PARD3: variants seen among roughly 807,000 people sequenced by gnomAD.
PARD3 encodes the protein partitioning defective 3 homolog.
In PARD3, 75 loss-of-function variants were observed where a neutral mutation model predicts 155.4. That is an observed-to-expected ratio of 0.48 (90% CI 0.40 to 0.58). The LOEUF is 0.58. Ranked by LOEUF, PARD3 falls within the 20% of genes least tolerant of loss-of-function variation. The probability of loss-of-function intolerance (pLI) is 0.00; values close to 1 mark genes in which losing one functional copy is unlikely to be tolerated. For synonymous variants in PARD3, 576 were observed against 610.5 expected (o/e 0.94, Z 0.83); for missense variants, 1,642 against 1,721.7 (o/e 0.95, Z 0.82).
At chr10:34,808,464 T>C (rs1843676207) in intron 1 of PARD3, among the ~76,000 whole-genome samples, 1 of 152,184 alleles carries the variant, frequency 6.6e-6, no homozygotes, top group Non-Finnish European at 1.5e-5. Context: ...GGTAAAACTG[T>C]ATACATTTAC....
chr10:34,798,197 C>A (rs1842488611), intron 1 of PARD3, among the ~76,000 whole-genome samples: 1 of 151,922 alleles, frequency 6.6e-6, no homozygotes. Flanking sequence ...GGCATGGTAG[C>A]ATGTACCTGT....
chr10:34,635,390 G>A (rs1444009062), intron 2 of PARD3, among the ~76,000 whole-genome samples: 2 of 152,238 alleles, frequency 1.3e-5, no homozygotes, highest in Non-Finnish European at 2.9e-5. Flanking sequence ...CAGAGAGTGT[G>A]CATTTGGGGC....
chr10:34,169,855 A>AG (rs1362182627), intron 22 of PARD3, among the ~76,000 whole-genome samples: 2 of 152,140 alleles, frequency 1.3e-5, no homozygotes, highest in African/African-American at 4.8e-5. Context: ...TGATGGCCAC[A>AG]GGGGGCCACC....
chr10:34,119,808 T>C (rs1016970087), intron 23 of PARD3, 68 bp from the exon 24 acceptor site: 10 of 1,341,330 alleles, frequency 7.5e-6, no homozygotes, highest in Non-Finnish European at 2.0e-6. Context: ...ACTGGTTGAC[T>C]CCATTTCGAT....
chr10:34,701,641 T>C (rs1049138810), intron 1 of PARD3, among the ~76,000 whole-genome samples: 10 of 152,004 alleles, frequency 6.6e-5, no homozygotes, highest in Non-Finnish European at 8.8e-5. Flanking sequence ...ATGCCTATAC[T>C]CCCAGTGCTT....
intron 22 of PARD3, among the ~76,000 whole-genome samples, chr10:34,211,813 G>A (rs976654684): frequency 3.9e-5 from 6 of 151,906 alleles, no homozygotes; most frequent in African/African-American, 1.5e-4. Context: ...AAAAGAAAAA[G>A]GAGTAGAGAT....
At chr10:34,598,143 A>T (rs1198884445) in intron 2 of PARD3, among the ~76,000 whole-genome samples, 1 of 152,216 alleles carries the variant, frequency 6.6e-6, no homozygotes, top group Non-Finnish European at 1.5e-5. Flanking sequence ...GTAGTTAATT[A>T]TGCACATTCA....
At chr10:34,538,777 C>T (rs2083397178) in intron 2 of PARD3, among the ~76,000 whole-genome samples, 1 of 152,190 alleles carries the variant, frequency 6.6e-6, no homozygotes, top group Non-Finnish European at 1.5e-5. Flanking sequence ...AGGGGTGAGG[C>T]GCCGCTCCGG....
intron 2 of PARD3, among the ~76,000 whole-genome samples, chr10:34,620,427 A>G (rs1209531440): frequency 6.6e-6 from 1 of 152,238 alleles, no homozygotes; most frequent in Admixed American, 6.5e-5. Context: ...TGCAAACAAA[A>G]CATTTCACAA....
Position 34,317,161 on chromosome 10 carries a change from T to C in PARD3, c.3011A>G (p.Lys1004Arg). ...TCCCTTCTTGGCTTTCATTTTATCC[T>C]TCTCCTTATCTCTATCTTTCTTCTT... ...KEKKKDRDKEKDKMKAKKGML... is the reference protein window; with the variant it reads ...KEKKKDRDKERDKMKAKKGML... The change falls in exon 20 of 25, where the codon AAG becomes AGG. Residue 1004 changes from lysine to arginine, a missense_variant. By Grantham distance (26) the Lys-to-Arg change is conservative. Transcript: ENST00000374788. The C allele has an allele frequency of 6.3e-7, 1 of 1,596,474 alleles. No homozygotes were observed. The highest frequency in any genetic ancestry group is 8.5e-7 in the Non-Finnish European group (1 of 1,170,452).
chr10:34,368,427 C>T (rs1419986944), intron 12 of PARD3, among the ~76,000 whole-genome samples: 1 of 152,140 alleles, frequency 6.6e-6, no homozygotes, highest in Non-Finnish European at 1.5e-5. Context: ...AATTCCAGCA[C>T]TTTGGGAGGC....
rs1564637892 is a variant in PARD3 at position 34,371,517 on chromosome 10, AAAAAAAAAAAAAAAAC to A, written c.1707+965_1707+980del. Among the ~76,000 whole-genome samples the A allele has an allele frequency of 1.1e-3, 97 of 84,442 alleles. 5 individuals carry two copies. The highest frequency in any genetic ancestry group is 2.2e-3 in the African/African-American group (18 of 8,042). The allele number at this position is 84,442 out of a possible 152,430, so 55.4% of individuals were successfully genotyped here. Reference sequence around the variant, plus strand: ...AAAAAAAAAAAAAAAAAAAAAAAAAAAAAAAAAAAAAAAAACAACGAAGGAATATTTGAAAAATAAC... The same window carrying A: ...AAAAAAAAAAAAAAAAAAAAAAAAAAAACGAAGGAATATTTGAAAAATAAC... On this transcript the variant is annotated intron_variant, in intron 12 of 24. Transcript: ENST00000374788.
At chr10:34,460,574 C>T (rs996895997) in intron 4 of PARD3, among the ~76,000 whole-genome samples, 2 of 152,146 alleles carry the variant, frequency 1.3e-5, no homozygotes, top group African/African-American at 2.4e-5. Context: ...GGGCTCACAC[C>T]TGTAATCCCA....
At chr10:34,611,853 A>G in intron 2 of PARD3, among the ~76,000 whole-genome samples, 1 of 120,082 alleles carries the variant, frequency 8.3e-6, no homozygotes, top group East Asian at 2.4e-4. Flanking sequence ...TCTGTCGCCC[A>G]GGCTGGAGTG....
At chr10:34,464,932 T>C (rs536279806) in intron 4 of PARD3, among the ~76,000 whole-genome samples, 28 of 152,284 alleles carry the variant, frequency 1.8e-4, no homozygotes, top group African/African-American at 6.7e-4. Flanking sequence ...GGGGGACTGG[T>C]TCCAGAACCC....
chr10:34,744,205 T>C (rs1835023942), intron 1 of PARD3, among the ~76,000 whole-genome samples: 3 of 152,164 alleles, frequency 2.0e-5, no homozygotes, highest in South Asian at 4.1e-4. Flanking sequence ...CTTAATTTTA[T>C]AGTTAAAATG....
intron 1 of PARD3, among the ~76,000 whole-genome samples, chr10:34,770,685 G>A (rs1425923971): frequency 3.3e-5 from 5 of 152,108 alleles, no homozygotes; most frequent in South Asian, 2.1e-4. Context: ...CTCCCACCAC[G>A]GACCACAGGA....
intron 2 of PARD3, among the ~76,000 whole-genome samples, chr10:34,624,097 A>C (rs1344583728): frequency 6.6e-6 from 1 of 152,098 alleles, no homozygotes; most frequent in Non-Finnish European, 1.5e-5. Flanking sequence ...CCTATTCCAC[A>C]TGGTTTTTTG....
chr10:34,789,861 A>G (rs1841433596), intron 1 of PARD3, among the ~76,000 whole-genome samples: 2 of 152,380 alleles, frequency 1.3e-5, no homozygotes, highest in Non-Finnish European at 1.5e-5. Context: ...TGCTGGCCAC[A>G]TTTCCTACAA....
Sources: gnomAD v4.1 joint callset for allele counts (sites outside exome capture counted in the v4.1 genomes callset) on GRCh38, gnomAD v4.1.1 for gene constraint, MANE v1.5 for transcripts, NCBI Gene and HGNC (gene_info 2026-07-23, HGNC 2026-07-21) for gene names.